The following METTL25 variants were observed in gnomAD, a reference collection of about 807,000 sequenced individuals.
The protein encoded by METTL25 is methyltransferase like 25.
Under a neutral mutation model 71.6 loss-of-function variants are expected in METTL25, and 64 were observed. That is an observed-to-expected ratio of 0.89 (90% confidence interval 0.73 to 1.10). The LOEUF is 1.10. Among genes scored for constraint, METTL25 ranks in the 50% least tolerant of loss-of-function variants. METTL25 has a pLI of 0.00. For synonymous variants in METTL25, 287 were observed against 250.3 expected (o/e 1.15, Z -1.38); for missense variants, 807 against 707.0 (o/e 1.14, Z -1.60).
chr12:82,410,509 C>T (rs150754630), intron 5 of METTL25, among the ~76,000 whole-genome samples: 84 of 152,164 alleles, frequency 5.5e-4, no homozygotes, highest in East Asian at 2.3e-3. Flanking sequence ...ATTTGACTTC[C>T]GTTTCCAGCA....
chr12:82,432,511 C>A (rs1889591215), intron 6 of METTL25, among the ~76,000 whole-genome samples: 1 of 151,568 alleles, frequency 6.6e-6, no homozygotes, highest in Non-Finnish European at 1.5e-5. Context: ...AAGAAAAGAA[C>A]TATGTAATAT....
intron 9 of METTL25, among the ~76,000 whole-genome samples, chr12:82,458,253 T>G (rs760267947): frequency 4.6e-5 from 7 of 152,126 alleles, no homozygotes; most frequent in Admixed American, 2.0e-4. Flanking sequence ...TTACTTACTT[T>G]GCACAAAAAC....
At chr12:82,370,726 T>C (rs1054907099) in intron 1 of METTL25, among the ~76,000 whole-genome samples, 6 of 152,160 alleles carry the variant, frequency 3.9e-5, no homozygotes, top group Non-Finnish European at 8.8e-5. Context: ...CTTTGACTCC[T>C]TCTTTGTCTC....
chr12:82,392,628 G>A (rs1286304806), intron 3 of METTL25, among the ~76,000 whole-genome samples: 2 of 151,930 alleles, frequency 1.3e-5, no homozygotes, highest in Non-Finnish European at 2.9e-5. Flanking sequence ...TTATTAGCTT[G>A]ATGTGATCCC....
At chr12:82,456,397 G>A (rs918602392) in intron 8 of METTL25, among the ~76,000 whole-genome samples, 1 of 151,838 alleles carries the variant, frequency 6.6e-6, no homozygotes, top group African/African-American at 2.4e-5. Flanking sequence ...GTAATATTGA[G>A]CCAGTAAATC....
chr12:82,471,389 A>G (rs914968539), intron 9 of METTL25, among the ~76,000 whole-genome samples: 2 of 152,176 alleles, frequency 1.3e-5, no homozygotes, highest in African/African-American at 4.8e-5. Context: ...CCTATTCTCT[A>G]TACCTTTCCT....
intron 1 of METTL25, among the ~76,000 whole-genome samples, chr12:82,375,400 G>A (rs929025966): frequency 3.4e-4 from 51 of 151,896 alleles, no homozygotes; most frequent in Non-Finnish European, 5.0e-4. Flanking sequence ...CTATGCTGGC[G>A]ATTGGTTTGT....
intron 5 of METTL25, among the ~76,000 whole-genome samples, chr12:82,423,168 A>C (rs1451284257): frequency 6.6e-6 from 1 of 152,206 alleles, no homozygotes; most frequent in Non-Finnish European, 1.5e-5. Context: ...TAACCAAAAC[A>C]GCATGGTACT....
At chr12:82,398,132 G>A (rs1886244327) in intron 3 of METTL25, among the ~76,000 whole-genome samples, 1 of 151,310 alleles carries the variant, frequency 6.6e-6, no homozygotes, top group Non-Finnish European at 1.5e-5. Context: ...AGTTTTTTAT[G>A]CAGTGTTTTA....
chr12:82,447,386 A>G (rs774815430), intron 8 of METTL25, among the ~76,000 whole-genome samples: 5 of 152,200 alleles, frequency 3.3e-5, no homozygotes, highest in Admixed American at 6.6e-5. Context: ...ACATTCATGT[A>G]TATAGAAGTA....
At chr12:82,461,294 G>T (rs150059783) in intron 9 of METTL25, among the ~76,000 whole-genome samples, 7 of 152,042 alleles carry the variant, frequency 4.6e-5, no homozygotes, top group African/African-American at 1.7e-4. Flanking sequence ...GATAATTAAC[G>T]TTTATCAAAC....
At chr12:82,442,254 C>A (rs1890405487) in intron 8 of METTL25, among the ~76,000 whole-genome samples, 1 of 152,146 alleles carries the variant, frequency 6.6e-6, no homozygotes, top group Non-Finnish European at 1.5e-5. Context: ...TAGAAGCTGA[C>A]TTACCTTTAT....
intron 1 of METTL25, among the ~76,000 whole-genome samples, chr12:82,384,469 G>T (rs557205256): frequency 1.3e-3 from 175 of 133,190 alleles, no homozygotes; most frequent in South Asian, 4.7e-3. Context: ...TTACAGGCTG[G>T]ATAACTTGAA....
chr12:82,412,620 A>G (rs560982058), intron 5 of METTL25, among the ~76,000 whole-genome samples: 3 of 152,112 alleles, frequency 2.0e-5, no homozygotes, highest in Non-Finnish European at 4.4e-5. Flanking sequence ...TTACTAACTG[A>G]ATTTGCTCAT....
At chr12:82,455,171 A>C (rs1891401202) in intron 8 of METTL25, among the ~76,000 whole-genome samples, 4 of 151,984 alleles carry the variant, frequency 2.6e-5, no homozygotes, top group South Asian at 2.1e-4. Flanking sequence ...TAAAAAAAAA[A>C]AAATCAAAGC....
chr12:82,471,691 T>G (rs1401885793), intron 9 of METTL25, among the ~76,000 whole-genome samples: 1 of 152,242 alleles, frequency 6.6e-6, no homozygotes, highest in Admixed American at 6.5e-5. Flanking sequence ...CAATAAAATG[T>G]TACTTGTGAA....
chr12:82,411,482 T>C (rs1887552476), intron 5 of METTL25, among the ~76,000 whole-genome samples: 1 of 151,764 alleles, frequency 6.6e-6, no homozygotes, highest in Non-Finnish European at 1.5e-5. Context: ...ATTCCTACCA[T>C]TTACCATAAA....
At chr12:82,361,778 C>G (rs1401507651) in intron 1 of METTL25, among the ~76,000 whole-genome samples, 2 of 152,220 alleles carry the variant, frequency 1.3e-5, no homozygotes, top group Admixed American at 1.3e-4. Flanking sequence ...GCGCGCAGCC[C>G]TGGTTCCCAC....
intron 1 of METTL25, among the ~76,000 whole-genome samples, chr12:82,376,836 C>T (rs572820219): frequency 6.6e-6 from 1 of 152,236 alleles, no homozygotes; most frequent in African/African-American, 2.4e-5. Context: ...AATTTATTGG[C>T]CGGGCGCTGT....
Sources: allele counts gnomAD v4.1 joint callset (sites outside exome capture counted in the v4.1 genomes callset), GRCh38; gene constraint gnomAD v4.1.1; transcripts MANE v1.5; gene names NCBI Gene and HGNC (gene_info 2026-07-23, HGNC 2026-07-21).